The following DENND1A variants were observed in gnomAD, a reference collection of about 807,000 sequenced individuals.
The protein encoded by DENND1A is DENN domain containing 1A.
In DENND1A, 51 loss-of-function variants were observed where a neutral mutation model predicts 113.7. That is an observed-to-expected ratio of 0.45 (90% confidence interval 0.36 to 0.57). The LOEUF is 0.57. Ranked by LOEUF, DENND1A falls within the 20% of genes least tolerant of loss-of-function variation. The pLI is 0.00. For missense variants in DENND1A, 1,258 were observed against 1,395.9 expected (o/e 0.90, Z 1.57); for synonymous variants, 565 against 570.8 (o/e 0.99, Z 0.14).
At chr9:123,812,799 G>A (rs1836842557) in intron 2 of DENND1A, among the ~76,000 whole-genome samples, 1 of 151,692 alleles carries the variant, frequency 6.6e-6, no homozygotes, top group Admixed American at 6.6e-5. Flanking sequence ...TTTCTTTCGA[G>A]TACCTTATGT....
At chr9:123,492,808 A>G (rs1031059678) in intron 13 of DENND1A, 2 of 152,188 alleles carry the variant, frequency 1.3e-5, no homozygotes, top group Non-Finnish European at 2.9e-5. Context: ...ACCCTCCAAC[A>G]TCGTCTCTTT....
intron 6 of DENND1A, among the ~76,000 whole-genome samples, chr9:123,674,750 T>C (rs2063962612): frequency 6.6e-6 from 1 of 152,200 alleles, no homozygotes; most frequent in African/African-American, 2.4e-5. Context: ...ATCTCCCATA[T>C]GTGTAGGTTG....
At chr9:123,812,664 A>G (rs977200348) in intron 2 of DENND1A, among the ~76,000 whole-genome samples, 6 of 152,286 alleles carry the variant, frequency 3.9e-5, no homozygotes, top group African/African-American at 1.4e-4. Context: ...ATACTCTCTT[A>G]GGATTTTAAT....
At position 123,821,083 on chromosome 9, in the gene DENND1A, G is replaced by T. The variant is rs529500892; in HGVS notation, c.89-28453C>A. 3.2e-3 allele frequency among the ~76,000 whole-genome samples: 486 copies of T among 152,300 alleles called. 5 individuals carry two copies. Among genetic ancestry groups the T allele is most frequent in the South Asian group, 6.8e-3 (33 of 4,830 alleles). On this transcript the variant is annotated intron_variant, in intron 2 of 23. Coordinates refer to ENST00000394215, the MANE Select transcript of DENND1A (RefSeq NM_001352964.2). ...CCATCTGGAACTGGCAACTTTTTAG[G>T]AATACTGTTTTGACAACTTTATCAA... is the stretch of plus-strand genomic sequence containing the variant.
chr9:123,579,846 A>T (rs948097715), intron 12 of DENND1A, among the ~76,000 whole-genome samples: 3 of 152,172 alleles, frequency 2.0e-5, no homozygotes, highest in African/African-American at 7.2e-5. Flanking sequence ...AATACAATAA[A>T]TACCTTACAG....
chr9:123,558,497 C>T (rs530606499), intron 12 of DENND1A, among the ~76,000 whole-genome samples: 12 of 152,212 alleles, frequency 7.9e-5, no homozygotes, highest in African/African-American at 2.9e-4. Flanking sequence ...ATGTAAGCCA[C>T]CAGGTCTTAC....
chr9:123,406,765 C>T (rs2131386924), intron 20 of DENND1A, among the ~76,000 whole-genome samples: 1 of 152,292 alleles, frequency 6.6e-6, no homozygotes, highest in South Asian at 2.1e-4. Flanking sequence ...ATCCCCACCC[C>T]CAACTTCTGC....
chr9:123,697,909 G>A (rs1210712946), intron 5 of DENND1A, among the ~76,000 whole-genome samples: 1 of 152,058 alleles, frequency 6.6e-6, no homozygotes, highest in Non-Finnish European at 1.5e-5. Context: ...CAACCTTTAG[G>A]CTGTTTAAAA....
At chr9:123,800,662 G>A (rs1564294901) in intron 2 of DENND1A, among the ~76,000 whole-genome samples, 1 of 152,190 alleles carries the variant, frequency 6.6e-6, no homozygotes, top group African/African-American at 2.4e-5. Context: ...GGCCTTAGCG[G>A]ATTATGAATG....
intron 12 of DENND1A, among the ~76,000 whole-genome samples, chr9:123,562,915 T>G (rs1409189461): frequency 6.6e-6 from 1 of 152,154 alleles, no homozygotes; most frequent in African/African-American, 2.4e-5. Context: ...GCACAGTTCT[T>G]GACTCAGTGT....
chr9:123,498,090 A>G (rs900779174), intron 13 of DENND1A, among the ~76,000 whole-genome samples: 3 of 152,242 alleles, frequency 2.0e-5, no homozygotes, highest in South Asian at 2.1e-4. Flanking sequence ...GCTGACAACT[A>G]AGAGATAGCT....
chr9:123,606,531 T>C (rs949499058), intron 11 of DENND1A, among the ~76,000 whole-genome samples: 1 of 152,244 alleles, frequency 6.6e-6, no homozygotes, highest in Non-Finnish European at 1.5e-5. Context: ...TTACACTGCA[T>C]GTTTTACTAC....
chr9:123,885,589 C>T (rs949318813), intron 1 of DENND1A, among the ~76,000 whole-genome samples: 3 of 152,232 alleles, frequency 2.0e-5, no homozygotes, highest in Admixed American at 6.5e-5. Context: ...ACAACAGCCT[C>T]AGCTCTTAAA....
At chr9:123,798,655 A>G (rs1380173405) in intron 2 of DENND1A, 4 of 151,768 alleles carry the variant, frequency 2.6e-5, no homozygotes, top group South Asian at 2.1e-4. Flanking sequence ...TGTGAATCCA[A>G]AAATCAAACA....
intron 13 of DENND1A, among the ~76,000 whole-genome samples, chr9:123,476,405 T>G (rs1239473200): frequency 1.3e-5 from 2 of 152,184 alleles, no homozygotes; most frequent in East Asian, 1.9e-4. Context: ...GTCTCCAGCC[T>G]TCCATGGTGT....
intron 5 of DENND1A, among the ~76,000 whole-genome samples, chr9:123,721,514 T>G (rs1190442640): frequency 3.9e-5 from 6 of 152,228 alleles, no homozygotes; most frequent in Non-Finnish European, 8.8e-5. Context: ...AAAAGTGAGC[T>G]ACCTCATGAT....
At chr9:123,510,706 A>G (rs1477281391) in intron 13 of DENND1A, among the ~76,000 whole-genome samples, 8 of 152,350 alleles carry the variant, frequency 5.3e-5, no homozygotes, top group African/African-American at 1.9e-4. Context: ...CTCACAGTTC[A>G]GCCAAAGGTA....
intron 1 of DENND1A, among the ~76,000 whole-genome samples, chr9:123,902,216 C>G (rs1851784339): frequency 6.7e-6 from 1 of 150,106 alleles, no homozygotes; most frequent in African/African-American, 2.5e-5. Flanking sequence ...CATACACACA[C>G]ACGTAGAGAC....
chr9:123,748,494 C>A (rs1287584038), intron 5 of DENND1A, among the ~76,000 whole-genome samples: 2 of 152,118 alleles, frequency 1.3e-5, no homozygotes, highest in Admixed American at 6.6e-5. Context: ...TCTTATGGGG[C>A]CTCTCCATGA....
Sources: gnomAD v4.1 joint callset for allele counts (sites outside exome capture counted in the v4.1 genomes callset) on GRCh38, gnomAD v4.1.1 for gene constraint, MANE v1.5 for transcripts, NCBI Gene and HGNC (gene_info 2026-07-23, HGNC 2026-07-21) for gene names.